The following ATP9B variants were observed in gnomAD, a reference collection of about 807,000 sequenced individuals.
ATP9B encodes the protein ATPase phospholipid transporting 9B.
In ATP9B, 110 loss-of-function variants were observed where a neutral mutation model predicts 146.1. That is an observed-to-expected ratio of 0.75 (90% CI 0.65 to 0.88). ATP9B has a LOEUF of 0.88. Ranked by LOEUF, ATP9B falls within the 40% of genes least tolerant of loss-of-function variation. The probability of loss-of-function intolerance (pLI) is 0.00; values close to 1 mark genes in which losing one functional copy is unlikely to be tolerated. For synonymous variants in ATP9B, 604 were observed against 569.7 expected (o/e 1.06, Z -0.86); for missense variants, 1,499 against 1,496.4 (o/e 1.00, Z -0.03).
At chr18:79,088,400 T>A (rs957939291) in intron 1 of ATP9B, among the ~76,000 whole-genome samples, 12 of 152,244 alleles carry the variant, frequency 7.9e-5, no homozygotes, top group African/African-American at 2.9e-4. Flanking sequence ...AGAAGTGATC[T>A]CATACAGAGA....
intron 9 of ATP9B, among the ~76,000 whole-genome samples, chr18:79,204,470 C>G (rs898920821): frequency 6.6e-6 from 1 of 152,150 alleles, no homozygotes; most frequent in Admixed American, 6.5e-5. Flanking sequence ...TGTAAACATG[C>G]AAATTTATAT....
chr18:79,217,957 T>C (rs1251165200), intron 11 of ATP9B, among the ~76,000 whole-genome samples: 2 of 152,248 alleles, frequency 1.3e-5, no homozygotes, highest in Non-Finnish European at 2.9e-5. Flanking sequence ...GAAGCCATAT[T>C]GGGACATTGA....
At chr18:79,127,465 G>A (rs559336609) in intron 5 of ATP9B, among the ~76,000 whole-genome samples, 24 of 152,262 alleles carry the variant, frequency 1.6e-4, no homozygotes, top group African/African-American at 5.5e-4. Context: ...ATTATGCAAT[G>A]TGTGGTCCTT....
intron 2 of ATP9B, among the ~76,000 whole-genome samples, chr18:79,100,927 C>G (rs1237976573): frequency 1.3e-5 from 2 of 152,118 alleles, no homozygotes; most frequent in Non-Finnish European, 2.9e-5. Context: ...AAGTCCCACC[C>G]CCATAACTCA....
At chr18:79,161,648 A>G (rs1050965040) in intron 7 of ATP9B, among the ~76,000 whole-genome samples, 2 of 152,288 alleles carry the variant, frequency 1.3e-5, no homozygotes, top group South Asian at 4.1e-4. Context: ...GGAGATCGAG[A>G]CCATCCTGGC....
intron 7 of ATP9B, among the ~76,000 whole-genome samples, chr18:79,165,406 A>C (rs1053292639): frequency 5.3e-5 from 8 of 152,164 alleles, no homozygotes; most frequent in Admixed American, 3.3e-4. Flanking sequence ...TCTTGTCCTC[A>C]TTCCACCAGA....
intron 15 of ATP9B, 37 bp from the exon 16 acceptor site, chr18:79,329,104 G>C: frequency 6.7e-7 from 1 of 1,490,714 alleles, no homozygotes; most frequent in Non-Finnish European, 9.0e-7. Context: ...GCTTTCCTGA[G>C]GCAGCGGTGG....
intron 15 of ATP9B, among the ~76,000 whole-genome samples, chr18:79,323,611 C>T (rs2096728172): frequency 6.6e-6 from 1 of 152,182 alleles, no homozygotes; most frequent in Non-Finnish European, 1.5e-5. Flanking sequence ...GCCCCTGTTC[C>T]ATTCACATTG....
intron 11 of ATP9B, among the ~76,000 whole-genome samples, chr18:79,245,571 C>T: frequency 6.7e-6 from 1 of 148,814 alleles, no homozygotes; most frequent in Admixed American, 6.6e-5. Flanking sequence ...GCCCTACTGA[C>T]TGTGCGGAGG....
intron 10 of ATP9B, among the ~76,000 whole-genome samples, chr18:79,212,568 T>C (rs1329505511): frequency 3.3e-5 from 5 of 152,308 alleles, no homozygotes; most frequent in Middle Eastern, 6.8e-3. Flanking sequence ...TTAACATTAG[T>C]GGGATGTTTA....
intron 1 of ATP9B, among the ~76,000 whole-genome samples, chr18:79,091,633 A>G (rs2074322542): frequency 6.6e-6 from 1 of 152,202 alleles, no homozygotes; most frequent in Non-Finnish European, 1.5e-5. Flanking sequence ...TTGATTTTGT[A>G]TCCTGCAACT....
At chr18:79,075,506 T>G (rs1306143603) in intron 1 of ATP9B, among the ~76,000 whole-genome samples, 1 of 152,234 alleles carries the variant, frequency 6.6e-6, no homozygotes, top group Non-Finnish European at 1.5e-5. Context: ...TGCATACACA[T>G]TTGAGATTCC....
intron 7 of ATP9B, among the ~76,000 whole-genome samples, chr18:79,176,328 C>T (rs887611009): frequency 1.3e-5 from 2 of 152,162 alleles, no homozygotes; most frequent in African/African-American, 4.8e-5. Context: ...ACTGGATAGG[C>T]CTGAGAGCAT....
rs140120875 is a variant in ATP9B at position 79,074,510 on chromosome 18, C to G, written c.119+4981C>G. Among the ~76,000 whole-genome samples the G allele has an allele frequency of 6.7e-3, 1,014 of 152,322 alleles. 11 individuals carry two copies. The highest frequency in any genetic ancestry group is 0.023 in the African/African-American group (972 of 41,560). On this transcript the variant is annotated intron_variant, in intron 1 of 29. Transcript: ENST00000426216. ...CCTTATGTGGTGGGGTTGCACCTGTCGGTGCTGCCTGGCTCTCCCTAATGA... is the reference window on the plus strand; with the variant it reads ...CCTTATGTGGTGGGGTTGCACCTGTGGGTGCTGCCTGGCTCTCCCTAATGA...
chr18:79,225,849 G>A lies in ATP9B; in HGVS notation c.1107+11811G>A, dbSNP rs886521389. Among the ~76,000 whole-genome samples, 333 of 141,126 alleles carry A rather than the reference G, an allele frequency of 2.4e-3. 17 individuals carry two copies. The highest frequency in any genetic ancestry group is 8.5e-3 in the African/African-American group (320 of 37,458). 92.6% of individuals were successfully genotyped at this position (141,126 alleles called of 152,430 possible). On this transcript the variant is annotated intron_variant, in intron 11 of 29. Coordinates refer to ENST00000426216, the MANE Select transcript of ATP9B (RefSeq NM_198531.5). ...AGCGTCTGAGTGACTGTTGGGTCCC[G>A]CAGTCGCAGGGCGGCCACTGTCTTC...
chr18:79,149,711 TAA>T (rs879710186), intron 6 of ATP9B, among the ~76,000 whole-genome samples: 6 of 135,432 alleles, frequency 4.4e-5, no homozygotes, highest in African/African-American at 1.4e-4. Context: ...AACTTAACAG[TAA>T]AAAAAAAAAA....
intron 3 of ATP9B, 87 bp from the exon 4 acceptor site, chr18:79,113,154 T>G: frequency 3.0e-6 from 2 of 665,700 alleles, no homozygotes; most frequent in South Asian, 1.9e-5. Flanking sequence ...AATGTGGTTA[T>G]ATGTTGTGCA....
chr18:79,291,051 C>T (rs2096497937), intron 13 of ATP9B, among the ~76,000 whole-genome samples: 1 of 152,208 alleles, frequency 6.6e-6, no homozygotes, highest in Non-Finnish European at 1.5e-5. Flanking sequence ...TCATGGATCA[C>T]ATCTGTTGCC....
At chr18:79,325,842 A>T (rs1489293535) in intron 15 of ATP9B, among the ~76,000 whole-genome samples, 9 of 151,034 alleles carry the variant, frequency 6.0e-5, no homozygotes, top group African/African-American at 2.0e-4. Flanking sequence ...ATCTCTGCAC[A>T]CTCCATTCCT....
Sources: allele counts gnomAD v4.1 joint callset (sites outside exome capture counted in the v4.1 genomes callset), GRCh38; gene constraint gnomAD v4.1.1; transcripts MANE v1.5; gene names NCBI Gene and HGNC (gene_info 2026-07-23, HGNC 2026-07-21).